The following SYNPR variants were observed in gnomAD, a reference collection of about 807,000 sequenced individuals.
The protein encoded by SYNPR is synaptoporin.
In SYNPR, 23 loss-of-function variants were observed where a neutral mutation model predicts 32.9. That is an observed-to-expected ratio of 0.70 (90% CI 0.50 to 0.99). The LOEUF is 0.99. SYNPR is among the 50% of genes least tolerant of loss of function. SYNPR has a pLI of 0.00. For missense variants in SYNPR, 318 were observed against 349.3 expected (o/e 0.91, Z 0.71); for synonymous variants, 146 against 135.9 (o/e 1.07, Z -0.52).
intron 2 of SYNPR, among the ~76,000 whole-genome samples, chr3:63,333,850 T>C (rs1260266798): frequency 6.6e-6 from 1 of 152,218 alleles, no homozygotes; most frequent in Non-Finnish European, 1.5e-5. Context: ...TGTATTAAAA[T>C]AGGAAACAGC....
At chr3:63,412,311 T>C (rs942844696) in intron 2 of SYNPR, among the ~76,000 whole-genome samples, 3 of 152,126 alleles carry the variant, frequency 2.0e-5, no homozygotes, top group Non-Finnish European at 2.9e-5. Context: ...GGAAGAGTAT[T>C]GCACTGAAAA....
chr3:63,309,535 T>C (rs1421538594), intron 2 of SYNPR, among the ~76,000 whole-genome samples: 4 of 152,054 alleles, frequency 2.6e-5, no homozygotes, highest in African/African-American at 9.7e-5. Flanking sequence ...TTAATATTTG[T>C]TAAGTAGGAT....
At chr3:63,244,867 C>A (rs541443017) in intron 1 of SYNPR, among the ~76,000 whole-genome samples, 66 of 152,202 alleles carry the variant, frequency 4.3e-4, no homozygotes, top group African/African-American at 1.6e-3. Flanking sequence ...ATAGAAAGCT[C>A]TTCTTATTTG....
intron 2 of SYNPR, among the ~76,000 whole-genome samples, chr3:63,337,609 C>G (rs987748902): frequency 6.6e-6 from 1 of 152,198 alleles, no homozygotes; most frequent in Non-Finnish European, 1.5e-5. Context: ...CGGAAGCAAC[C>G]AAGATGTCCT....
intron 3 of SYNPR, among the ~76,000 whole-genome samples, chr3:63,502,742 G>A (rs1244942154): frequency 2.0e-5 from 3 of 151,164 alleles, no homozygotes; most frequent in African/African-American, 4.9e-5. Context: ...TTTCTTTTTA[G>A]CACTTAATAA....
chr3:63,559,221 G>A (rs9853338), intron 4 of SYNPR, among the ~76,000 whole-genome samples: 54,112 of 151,412 alleles, frequency 0.36, 9,910 homozygotes, highest in South Asian at 0.47. Context: ...GACTATAGGC[G>A]CACACCACCA....
intron 2 of SYNPR, among the ~76,000 whole-genome samples, chr3:63,320,467 C>G (rs1233777244): frequency 6.6e-6 from 1 of 151,932 alleles, no homozygotes; most frequent in African/African-American, 2.4e-5. Context: ...TTTAGTGGAA[C>G]ATTGTAAAGC....
upstream of SYNPR, among the ~76,000 whole-genome samples, chr3:63,223,376 T>C (rs920561476): frequency 6.6e-6 from 1 of 151,926 alleles, no homozygotes; most frequent in Non-Finnish European, 1.5e-5. Flanking sequence ...CCTCCAGGTT[T>C]TTCCCTGGTA....
chr3:63,424,100 A>G (rs746747901), intron 2 of SYNPR, among the ~76,000 whole-genome samples: 1 of 152,228 alleles, frequency 6.6e-6, no homozygotes, highest in South Asian at 2.1e-4. Context: ...GAAACTCAGA[A>G]TAAATTATGA....
chr3:63,334,730 CCTGACTCAGCTTACTG>C (rs1184817015), intron 2 of SYNPR, among the ~76,000 whole-genome samples: 2 of 152,162 alleles, frequency 1.3e-5, no homozygotes, highest in African/African-American at 4.8e-5. Context: ...TACAGCCTCT[CCTGACTCAGCTTACTG>C]CTGATGAGCA....
chr3:63,524,530 T>C (rs1342386248), intron 3 of SYNPR, among the ~76,000 whole-genome samples: 1 of 152,150 alleles, frequency 6.6e-6, no homozygotes, highest in Non-Finnish European at 1.5e-5. Flanking sequence ...GTTCTGTTTT[T>C]GTCTCCCAAT....
chr3:63,544,561 G>A (rs1559531902), intron 3 of SYNPR, among the ~76,000 whole-genome samples: 1 of 152,054 alleles, frequency 6.6e-6, no homozygotes, highest in Non-Finnish European at 1.5e-5. Flanking sequence ...CCTACCCTGA[G>A]CATTTAGTGA....
At chr3:63,500,672 A>T (rs768935379) in intron 3 of SYNPR, among the ~76,000 whole-genome samples, 1 of 152,154 alleles carries the variant, frequency 6.6e-6, no homozygotes, top group Non-Finnish European at 1.5e-5. Context: ...CCTCTAAGCT[A>T]TGTTCCCAGG....
chr3:63,414,023 T>TATAG (rs1553877498), intron 2 of SYNPR, among the ~76,000 whole-genome samples: 3 of 145,438 alleles, frequency 2.1e-5, no homozygotes, highest in Non-Finnish European at 3.0e-5. Flanking sequence ...TATATATATA[T>TATAG]AGAGAGAGAG....
the SYNPR span, among the ~76,000 whole-genome samples, chr3:63,219,923 T>G: frequency 1.3e-5 from 2 of 152,146 alleles, no homozygotes; most frequent in Non-Finnish European, 2.9e-5. Context: ...CATCTGCATA[T>G]AAGTGGATCC....
intron 2 of SYNPR, among the ~76,000 whole-genome samples, chr3:63,364,576 G>A (rs376755056): frequency 2.6e-5 from 4 of 152,206 alleles, no homozygotes; most frequent in Non-Finnish European, 1.5e-5. Context: ...AGTTAGAAGA[G>A]GATAGAGTCA....
At chr3:63,366,521 C>G (rs1410627380) in intron 2 of SYNPR, among the ~76,000 whole-genome samples, 1 of 152,098 alleles carries the variant, frequency 6.6e-6, no homozygotes, top group Non-Finnish European at 1.5e-5. Context: ...GTGATTCATC[C>G]TTTGTCATTT....
At position 63,615,541 on chromosome 3, in the gene SYNPR, G is replaced by A; in HGVS notation, c.*60G>A. The A allele has an allele frequency of 1.3e-6, 2 of 1,563,062 alleles. No individual in the cohort carries two copies. The highest frequency in any genetic ancestry group is 1.9e-5 in the Admixed American group (1 of 51,590). On this transcript the variant is annotated 3_prime_UTR_variant, in exon 6 of 6. Coordinates refer to ENST00000478300, the MANE Select transcript of SYNPR (RefSeq NM_001130003.2). ...ACCATCTTCCATTTCAGTGGCAGAAGAATTTTTTAAGGGTTTCAATCAATT... is the reference window on the plus strand; with the variant it reads ...ACCATCTTCCATTTCAGTGGCAGAAAAATTTTTTAAGGGTTTCAATCAATT...
chr3:63,225,299 T>C (rs957849394), upstream of SYNPR, among the ~76,000 whole-genome samples: 2 of 152,224 alleles, frequency 1.3e-5, no homozygotes, highest in African/African-American at 2.4e-5. Context: ...ATTCATTCCA[T>C]TGCTCTGTGG....
Sources: allele counts gnomAD v4.1 joint callset (sites outside exome capture counted in the v4.1 genomes callset), GRCh38; gene constraint gnomAD v4.1.1; transcripts MANE v1.5; gene names NCBI Gene and HGNC (gene_info 2026-07-23, HGNC 2026-07-21).